Variants in WNK2 observed in about 807,000 individuals in gnomAD.
WNK2 encodes WNK lysine deficient protein kinase 2, also known as serine/threonine-protein kinase WNK2.
In WNK2, 67 loss-of-function variants were observed where a neutral mutation model predicts 192.1. The observed-to-expected ratio is 0.35, with a 90% CI of 0.29 to 0.43. WNK2 has a LOEUF of 0.43. WNK2 is among the 20% of genes least tolerant of loss of function. WNK2 has a pLI of 1.00. For missense variants in WNK2, 2,698 were observed against 3,089.7 expected (o/e 0.87, Z 3.01); for synonymous variants, 1,439 against 1,393.9 (o/e 1.03, Z -0.72).
intron 4 of WNK2, among the ~76,000 whole-genome samples, chr9:93,231,645 C>T (rs778269680): frequency 1.3e-5 from 2 of 152,206 alleles, no homozygotes; most frequent in African/African-American, 2.4e-5. Flanking sequence ...CACATACCTG[C>T]GGGGCGGGGC....
At chr9:93,184,803 G>C (rs971528344) in intron 1 of WNK2, 125 bp from the exon 2 acceptor site, 13 of 885,460 alleles carry the variant, frequency 1.5e-5, no homozygotes, top group Non-Finnish European at 1.9e-5. Flanking sequence ...GACGGCCCCC[G>C]CAGGCTCTCT....
At chr9:93,213,749 A>G (rs956742969) in intron 2 of WNK2, among the ~76,000 whole-genome samples, 4 of 152,220 alleles carry the variant, frequency 2.6e-5, no homozygotes, top group African/African-American at 7.2e-5. Context: ...AGATCACACC[A>G]TTGCACTCCA....
At chr9:93,263,415 C>T in intron 14 of WNK2, 151 bp from the exon 15 acceptor site, 1 of 894,852 alleles carries the variant, frequency 1.1e-6, no homozygotes, top group South Asian at 1.6e-5. Context: ...CAGAAGCAGG[C>T]TTGGGGTATT....
chr9:93,282,896 A>G lies in WNK2; in HGVS notation c.4034-5892A>G, dbSNP rs543172723. ...ATATTTTTAATTTAACTTTACGCAG[A>G]CCCAAAACAAATCTCAACAAGTTTC... On this transcript the variant is annotated intron_variant, in intron 19 of 29. Coordinates refer to ENST00000427277, the MANE Select transcript of WNK2 (RefSeq NM_006648.4). 2.6e-5 allele frequency among the ~76,000 whole-genome samples: 4 copies of G among 152,316 alleles called. No homozygotes were observed. In the East Asian group the frequency reaches 7.7e-4, roughly 29 times the overall value.
chr9:93,320,331 T>C (rs1234644264), intron 29 of WNK2, 36 bp from the exon 30 acceptor site: 2 of 1,367,120 alleles, frequency 1.5e-6, no homozygotes, highest in African/African-American at 3.0e-5. Flanking sequence ...AGCACTGCGG[T>C]GGGCCCACAG....
At chr9:93,268,187 C>T in intron 18 of WNK2, 122 bp downstream of exon 18, 1 of 1,390,810 alleles carries the variant, frequency 7.2e-7, no homozygotes, top group Non-Finnish European at 9.8e-7. Flanking sequence ...TGACCAGGGG[C>T]CCCAGTCTGG....
chr9:93,193,126 G>A (rs940784424), intron 2 of WNK2, among the ~76,000 whole-genome samples: 1 of 152,200 alleles, frequency 6.6e-6, no homozygotes, highest in African/African-American at 2.4e-5. Flanking sequence ...TCTGCTTGCT[G>A]TGGTGGGAAG....
chr9:93,234,727 C>T (rs1588085183), intron 4 of WNK2, 81 bp from the exon 5 acceptor site: 1 of 1,514,212 alleles, frequency 6.6e-7, no homozygotes, highest in East Asian at 2.4e-5. Context: ...TTCTGGGCAG[C>T]CAAAGCTCCC....
chr9:93,215,209 C>T (rs988596755), intron 2 of WNK2, among the ~76,000 whole-genome samples: 2 of 152,074 alleles, frequency 1.3e-5, no homozygotes, highest in African/African-American at 4.8e-5. Flanking sequence ...GCAAACTCTG[C>T]CTCCTGGGTT....
intron 4 of WNK2, among the ~76,000 whole-genome samples, chr9:93,232,857 T>C (rs1839074206): frequency 1.3e-5 from 2 of 148,604 alleles, no homozygotes; most frequent in Non-Finnish European, 3.0e-5. Context: ...CAACCAGGAG[T>C]GTCCTCAGCT....
At chr9:93,199,150 T>G (rs1456295399) in intron 2 of WNK2, among the ~76,000 whole-genome samples, 2 of 152,164 alleles carry the variant, frequency 1.3e-5, no homozygotes, top group African/African-American at 4.8e-5. Flanking sequence ...GGGTGCGGCT[T>G]CTCAGCCTGG....
rs1460354157 is a variant in WNK2 at position 93,213,052 on chromosome 9, C to A, written c.682-16644C>A. On this transcript the variant is annotated intron_variant, in intron 2 of 29. Coordinates refer to ENST00000427277, the MANE Select transcript of WNK2 (RefSeq NM_006648.4). The stretch of plus-strand genomic sequence containing the variant: ...GGCTTTTCCCTCATTTGTGTATCAG[C>A]CTACTTCCAGGGAGGGGGCACCGAT... 1.1e-4 allele frequency among the ~76,000 whole-genome samples: 12 copies of A among 109,878 alleles called. No homozygotes were observed. The East Asian group carries it at 3.4e-3, about 31-fold the overall frequency. The allele number at this position is 109,878 out of a possible 152,430, so 72.1% of individuals were successfully genotyped here. A position where few individuals can be genotyped will look rare whatever the true frequency, so the allele number is the denominator to read the frequency against.
intron 2 of WNK2, among the ~76,000 whole-genome samples, chr9:93,195,268 TTAA>T (rs1439121766): frequency 6.6e-6 from 1 of 152,194 alleles, no homozygotes; most frequent in Non-Finnish European, 1.5e-5. Flanking sequence ...ATGCAAGATG[TTAA>T]TAATAGGGGA....
intron 2 of WNK2, among the ~76,000 whole-genome samples, chr9:93,204,134 C>G (rs1010245604): frequency 6.6e-6 from 1 of 152,072 alleles, no homozygotes; most frequent in African/African-American, 2.4e-5. Flanking sequence ...GGTGTTTTAA[C>G]TGCCTGCTTG....
chr9:93,282,861 T>C (rs1847936478), intron 19 of WNK2, among the ~76,000 whole-genome samples: 2 of 152,198 alleles, frequency 1.3e-5, no homozygotes, highest in African/African-American at 4.8e-5. Context: ...TGTTTTTTCA[T>C]GCACACAGAA....
At chr9:93,310,304 G>A (rs1195041923) in intron 28 of WNK2, among the ~76,000 whole-genome samples, 5 of 152,148 alleles carry the variant, frequency 3.3e-5, no homozygotes, top group South Asian at 2.1e-4. Flanking sequence ...GGCTGCACCC[G>A]GAGCCTGGGC....
intron 2 of WNK2, among the ~76,000 whole-genome samples, chr9:93,214,328 G>A (rs1318138853): frequency 1.3e-5 from 2 of 151,822 alleles, no homozygotes; most frequent in African/African-American, 4.8e-5. Context: ...TTTTGAGACG[G>A]AGTCTTGCTC....
intron 8 of WNK2, among the ~76,000 whole-genome samples, chr9:93,250,299 G>A (rs985034462): frequency 1.3e-5 from 2 of 151,950 alleles, no homozygotes; most frequent in African/African-American, 4.8e-5. Flanking sequence ...GCATGCAAAT[G>A]GACACATATG....
chr9:93,197,415 A>G (rs185361044), intron 2 of WNK2, among the ~76,000 whole-genome samples: 2 of 152,308 alleles, frequency 1.3e-5, no homozygotes, highest in East Asian at 3.9e-4. Flanking sequence ...TGTCAATTTC[A>G]ATCCAGAACA....
Sources: allele counts gnomAD v4.1 joint callset (sites outside exome capture counted in the v4.1 genomes callset), GRCh38; gene constraint gnomAD v4.1.1; transcripts MANE v1.5; gene names NCBI Gene and HGNC (gene_info 2026-07-23, HGNC 2026-07-21).